The following CALB2 variants were observed in gnomAD, a reference collection of about 807,000 sequenced individuals.
CALB2 encodes the protein calretinin.
A neutral mutation model predicts 45.9 loss-of-function variants in CALB2; 34 were observed. The observed-to-expected ratio is 0.74, with a 90% confidence interval of 0.56 to 0.99. The LOEUF (loss-of-function observed/expected upper bound fraction) is 0.99. Among genes scored for constraint, CALB2 ranks in the 50% least tolerant of loss-of-function variants. CALB2 has a pLI of 0.00. For missense variants in CALB2, 344 were observed against 339.3 expected (o/e 1.01, Z -0.11); for synonymous variants, 142 against 129.6 (o/e 1.10, Z -0.65).
At position 71,382,743 on chromosome 16, in the gene CALB2, A is replaced by C. The variant is rs775637563; in HGVS notation, c.367A>C (p.Arg123=). The C allele has an allele frequency of 4.2e-5, 67 of 1,612,086 alleles. No individual in the cohort carries two copies. Among genetic ancestry groups the C allele is most frequent in the Non-Finnish European group, 5.3e-5 (63 of 1,179,212 alleles). The change falls in exon 5 of 11, where the codon AGG becomes CGG. Residue 123 remains arginine (R), a synonymous_variant. Coordinates refer to ENST00000302628, the MANE Select transcript of CALB2 (RefSeq NM_001740.5). ...GGCTTGGCGGAAGTACGACACAGAC[A>C]GGAGTGGCTACATCGAAGCCAATGA... ...MEAWRKYDTD[R]SGYIEANELK... is the part of the protein sequence containing the mutation.
chr16:71,382,497 G>A (rs144478354), intron 4 of CALB2, among the ~76,000 whole-genome samples: 24 of 152,310 alleles, frequency 1.6e-4, no homozygotes, highest in Admixed American at 6.5e-4. Context: ...GCTTAGCTGC[G>A]TGGTTCTGGC....
chr16:71,362,076 T>C (rs965270015), intron 1 of CALB2, among the ~76,000 whole-genome samples: 5 of 152,150 alleles, frequency 3.3e-5, no homozygotes, highest in African/African-American at 1.2e-4. Context: ...CTTCCGAACA[T>C]CACCTCCATG....
chr16:71,372,627 T>C (rs2042365954), intron 2 of CALB2, among the ~76,000 whole-genome samples: 1 of 152,198 alleles, frequency 6.6e-6, no homozygotes, highest in African/African-American at 2.4e-5. Flanking sequence ...GACCAGAGTT[T>C]CTCAGCCTCA....
chr16:71,389,851 G>C lies in CALB2; in HGVS notation c.802G>C (p.Glu268Gln). The C allele has an allele frequency of 6.2e-7, 1 of 1,613,008 alleles. No individual in the cohort carries two copies. Among genetic ancestry groups the C allele is most frequent in the East Asian group, 2.2e-5 (1 of 44,866 alleles). ...RKDLEIVLCS[E>Q]PPM ...GGACCTGGAGATTGTGCTCTGCAGC[G>C]AGCCCCCCATGTAAAGTGGGGACGG... Residue 268 changes from glutamate (E) to glutamine (Q), a missense_variant, in exon 11 of 11, where the codon GAG (glutamate) becomes CAG (glutamine). Physicochemically the swap from Glu to Gln is conservative, Grantham distance 29 (BLOSUM62 2). Transcript: ENST00000302628.
At chr16:71,388,906 G>A (rs2042603189) in intron 10 of CALB2, among the ~76,000 whole-genome samples, 1 of 149,618 alleles carries the variant, frequency 6.7e-6, no homozygotes, top group South Asian at 2.1e-4. Context: ...GCTAAGGCAT[G>A]AGAATAGCTT....
chr16:71,370,142 C>T (rs2042331228), intron 1 of CALB2, among the ~76,000 whole-genome samples: 1 of 152,220 alleles, frequency 6.6e-6, no homozygotes, highest in African/African-American at 2.4e-5. Flanking sequence ...CATAATTTAT[C>T]TCATGTGATT....
intron 1 of CALB2, among the ~76,000 whole-genome samples, chr16:71,360,689 T>C (rs1259564946): frequency 2.0e-5 from 3 of 152,198 alleles, no homozygotes; most frequent in African/African-American, 7.2e-5. Context: ...AAGAGCACTG[T>C]CCATAACCAC....
chr16:71,373,495 T>C (rs1343157849), intron 2 of CALB2, among the ~76,000 whole-genome samples: 3 of 152,240 alleles, frequency 2.0e-5, no homozygotes, highest in Non-Finnish European at 4.4e-5. Context: ...AATGTGTTTT[T>C]ATGAAGTGCT....
At chr16:71,380,287 CTTTTCTTTTTTTTTTTTTTTTTTT>C (rs2042473958) in intron 4 of CALB2, among the ~76,000 whole-genome samples, 2 of 87,096 alleles carry the variant, frequency 2.3e-5, no homozygotes, top group African/African-American at 4.2e-5. Context: ...TCTTTCCTTC[CTTTTCTTTTTTTTTTTTTTTTTTT>C]TTTTTTTTTT....
chr16:71,376,104 G>A (rs1026757736), intron 3 of CALB2, among the ~76,000 whole-genome samples: 1 of 152,224 alleles, frequency 6.6e-6, no homozygotes, highest in Non-Finnish European at 1.5e-5. Flanking sequence ...AGGGTTGACA[G>A]GCTTTTTCTC....
chr16:71,380,717 C>T (rs2144989835), intron 4 of CALB2, among the ~76,000 whole-genome samples: 1 of 152,270 alleles, frequency 6.6e-6, no homozygotes, highest in East Asian at 1.9e-4. Flanking sequence ...AGTACTGTCC[C>T]ACTGTCCCCT....
At chr16:71,384,170 A>T (rs1165986077) in intron 7 of CALB2, 145 bp downstream of exon 7, 7 of 1,039,650 alleles carry the variant, frequency 6.7e-6, no homozygotes, top group Non-Finnish European at 9.0e-6. Flanking sequence ...GTGACCGTCA[A>T]CACCTCACCT....
At chr16:71,372,387 T>C (rs532139256) in intron 2 of CALB2, among the ~76,000 whole-genome samples, 158 bp downstream of exon 2, 1 of 152,246 alleles carries the variant, frequency 6.6e-6, no homozygotes, top group East Asian at 1.9e-4. Flanking sequence ...CCCCTAAGAG[T>C]ACCCTATCTC....
rs78324716 is a variant in CALB2, at chr16:71,382,508, C to T, written c.343-211C>T. Among the ~76,000 whole-genome samples the T allele has an allele frequency of 3.3e-3, 505 of 152,304 alleles. 1 individual carries two copies. The highest frequency in any genetic ancestry group is 5.6e-3 in the Non-Finnish European group (379 of 68,034). ...AACAGCTTAGCTGCGTGGTTCTGGC[C>T]CAGGCGCTCATGAGATCACTGTCGA... On this transcript the variant is annotated intron_variant, in intron 4 of 10. Transcript: ENST00000302628.
chr16:71,387,651 A>G (rs1336286991), intron 10 of CALB2, among the ~76,000 whole-genome samples: 1 of 152,090 alleles, frequency 6.6e-6, no homozygotes, highest in Non-Finnish European at 1.5e-5. Flanking sequence ...CCCCAGTTTT[A>G]AGTGAAACTT....
At chr16:71,374,433 C>A (rs893572915) in intron 2 of CALB2, among the ~76,000 whole-genome samples, 2 of 152,182 alleles carry the variant, frequency 1.3e-5, no homozygotes, top group Non-Finnish European at 2.9e-5. Context: ...GTGATGGGAA[C>A]AAGTCCAAAC....
At chr16:71,376,548 A>G (rs1028605101) in intron 3 of CALB2, among the ~76,000 whole-genome samples, 1 of 151,828 alleles carries the variant, frequency 6.6e-6, no homozygotes, top group Non-Finnish European at 1.5e-5. Context: ...TCCACATTCA[A>G]CCACACACAC....
intron 1 of CALB2, among the ~76,000 whole-genome samples, chr16:71,361,259 A>C (rs923252851): frequency 2.0e-4 from 30 of 152,326 alleles, no homozygotes; most frequent in South Asian, 2.1e-4. Flanking sequence ...ATGAGGATTA[A>C]AATACCAGAG....
chr16:71,385,414 T>A lies in CALB2; in HGVS notation c.628-163T>A, dbSNP rs774184938. ...CCCACTGCCACCTTCCTGCCATGAC[T>A]GGTTAAGGCAGAAGGGACACATTAT... On this transcript the variant is annotated intron_variant, in intron 9 of 10. Transcript: ENST00000302628. 2.8e-4 allele frequency: 141 copies of A among 511,188 alleles called. 1 individual carries two copies. Among genetic ancestry groups the A allele is most frequent in the South Asian group, 2.7e-3 (68 of 25,560 alleles). The allele number at this position is 511,188 out of a possible 1,614,324, so 31.7% of individuals were successfully genotyped here.
Sources: gnomAD v4.1 joint callset for allele counts (sites outside exome capture counted in the v4.1 genomes callset) on GRCh38, gnomAD v4.1.1 for gene constraint, MANE v1.5 for transcripts, NCBI Gene and HGNC (gene_info 2026-07-23, HGNC 2026-07-21) for gene names.